The following ARHGEF3 variants were observed in gnomAD, a reference collection of about 807,000 sequenced individuals.
ARHGEF3 encodes the protein Rho guanine nucleotide exchange factor 3, also known as 59.8 kDA protein.
Under a neutral mutation model 63.2 loss-of-function variants are expected in ARHGEF3, and 28 were observed. The ratio of observed to expected loss-of-function variants is 0.44; its 90% CI spans 0.33 to 0.61. The LOEUF is 0.61. Among genes scored for constraint, ARHGEF3 ranks in the 20% least tolerant of loss-of-function variants. The probability of loss-of-function intolerance (pLI) is 0.03; values close to 1 mark genes in which losing one functional copy is unlikely to be tolerated. For synonymous variants in ARHGEF3, 266 were observed against 254.2 expected (o/e 1.05, Z -0.44); for missense variants, 533 against 659.3 (o/e 0.81, Z 2.10).
At chr3:57,051,714 G>A (rs986716058) in intron 1 of ARHGEF3, among the ~76,000 whole-genome samples, 5 of 151,470 alleles carry the variant, frequency 3.3e-5, no homozygotes, top group Admixed American at 2.6e-4. Context: ...CTGTAATCTC[G>A]GCACTTTGGG....
rs550769120 is a variant in ARHGEF3 at position 56,983,250 on chromosome 3, T to TA, written c.63-24362dup. On this transcript the variant is annotated intron_variant, in intron 2 of 12. Coordinates refer to the ARHGEF3 transcript ENST00000338458. The stretch of plus-strand genomic sequence containing the variant: ...AGTCTCTAGCTTCAGTTCAATATTT[T>TA]AAAAAATCTCATCACTAAGGGCCCC... Among the ~76,000 whole-genome samples the TA allele has an allele frequency of 8.0e-4, 122 of 152,152 alleles. 1 individual carries two copies. Among genetic ancestry groups the TA allele is most frequent in the Admixed American group, 4.6e-3 (71 of 15,286 alleles).
chr3:56,766,509 G>T (rs1345248648), intron 2 of ARHGEF3, among the ~76,000 whole-genome samples: 1 of 152,218 alleles, frequency 6.6e-6, no homozygotes, highest in Non-Finnish European at 1.5e-5. Context: ...AGCAGCAATG[G>T]CTGCCTTTTC....
At chr3:56,759,174 A>ATTTT (rs35855808) in intron 2 of ARHGEF3, among the ~76,000 whole-genome samples, 7 of 128,176 alleles carry the variant, frequency 5.5e-5, no homozygotes, top group South Asian at 2.6e-4. Flanking sequence ...AGAAAACTGA[A>ATTTT]TTTTTTTTTT....
intron 2 of ARHGEF3, among the ~76,000 whole-genome samples, chr3:56,769,707 G>T (rs931672916): frequency 2.0e-5 from 3 of 152,206 alleles, no homozygotes; most frequent in Admixed American, 2.0e-4. Context: ...ACCAGAGGAA[G>T]GTCTGCTAAG....
chr3:56,860,324 G>A (rs2040030975), intron 4 of ARHGEF3, among the ~76,000 whole-genome samples: 1 of 152,038 alleles, frequency 6.6e-6, no homozygotes, highest in Non-Finnish European at 1.5e-5. Flanking sequence ...TGAGACTACA[G>A]GTGTGTGCAA....
chr3:56,845,872 C>T (rs138938839), intron 4 of ARHGEF3, among the ~76,000 whole-genome samples: 3 of 152,158 alleles, frequency 2.0e-5, no homozygotes, highest in South Asian at 2.1e-4. Context: ...CAGACCACAC[C>T]GAAGTTGTGC....
chr3:56,893,805 C>T, intron 3 of ARHGEF3, among the ~76,000 whole-genome samples: 1 of 87,756 alleles, frequency 1.1e-5, no homozygotes, highest in African/African-American at 4.9e-5. Context: ...GAACAAGACT[C>T]TGTCTCAAAA....
Position 56,857,192 on chromosome 3 carries a change from A to G in ARHGEF3, c.192+25100T>C, listed in dbSNP as rs1445378869. ...CAAAATTAAAACAAAAATAAATTTG[A>G]TTTTAAAACAAGCCACATCTACAGT... is the stretch of plus-strand genomic sequence containing the variant. On this transcript the variant is annotated intron_variant, in intron 4 of 12. Coordinates refer to the ARHGEF3 transcript ENST00000338458. 2.6e-5 allele frequency among the ~76,000 whole-genome samples: 4 copies of G among 152,336 alleles called. No individual in the cohort carries two copies. In the East Asian group the frequency reaches 7.7e-4, roughly 29 times the overall value.
chr3:56,994,559 T>A (rs898307360), intron 2 of ARHGEF3, among the ~76,000 whole-genome samples: 1 of 152,210 alleles, frequency 6.6e-6, no homozygotes, highest in Admixed American at 6.5e-5. Context: ...TTTTCCCTCT[T>A]GGAAAAGGAG....
At position 56,868,113 on chromosome 3, in the gene ARHGEF3, C is replaced by T. The variant is rs371127399; in HGVS notation, c.192+14179G>A. Reference sequence around the variant, plus strand: ...AAAATGGAACAGTACCCCACAACCACTCTACATGAACAAAATGAAAGGTCC... The same window carrying T: ...AAAATGGAACAGTACCCCACAACCATTCTACATGAACAAAATGAAAGGTCC... On this transcript the variant is annotated intron_variant, in intron 4 of 12. Coordinates refer to the ARHGEF3 transcript ENST00000338458. Among the ~76,000 whole-genome samples the T allele has an allele frequency of 3.3e-5, 5 of 152,154 alleles. 1 individual carries two copies. Among genetic ancestry groups the T allele is most frequent in the East Asian group, 3.9e-4 (2 of 5,194 alleles).
intron 1 of ARHGEF3, among the ~76,000 whole-genome samples, chr3:56,792,617 C>G (rs995107398): frequency 1.3e-5 from 2 of 152,144 alleles, no homozygotes; most frequent in African/African-American, 4.8e-5. Flanking sequence ...CAATTATATA[C>G]TCAAGTAAGT....
At chr3:56,761,684 G>T (rs933162239) in intron 2 of ARHGEF3, among the ~76,000 whole-genome samples, 1 of 152,132 alleles carries the variant, frequency 6.6e-6, no homozygotes, top group Non-Finnish European at 1.5e-5. Context: ...TATCTGAGAG[G>T]TAAGGATTCT....
intron 2 of ARHGEF3, among the ~76,000 whole-genome samples, chr3:57,008,785 C>G (rs376312843): frequency 5.6e-4 from 85 of 152,270 alleles, no homozygotes; most frequent in African/African-American, 2.0e-3. Context: ...TCATTTTTCT[C>G]TGGACCTCTG....
chr3:56,824,698 TC>T (rs1195196053), intron 4 of ARHGEF3, among the ~76,000 whole-genome samples: 1 of 152,242 alleles, frequency 6.6e-6, no homozygotes, highest in Non-Finnish European at 1.5e-5. Flanking sequence ...TGGTCAGCTT[TC>T]CACGTGCTTG....
chr3:57,057,156 G>T (rs11710144), intron 1 of ARHGEF3, among the ~76,000 whole-genome samples: 1 of 152,024 alleles, frequency 6.6e-6, no homozygotes, highest in Non-Finnish European at 1.5e-5. Flanking sequence ...TTGTTGCTCA[G>T]GCTGGGGTGC....
intron 9 of ARHGEF3, 111 bp from the exon 10 acceptor site, chr3:56,729,733 A>T: frequency 1.1e-6 from 1 of 903,992 alleles, no homozygotes; most frequent in Non-Finnish European, 1.7e-6. Context: ...GGTATTGCTG[A>T]TAACAAAACG....
intron 3 of ARHGEF3, among the ~76,000 whole-genome samples, chr3:56,900,167 G>A (rs2041457060): frequency 6.6e-6 from 1 of 152,158 alleles, no homozygotes. Flanking sequence ...GCTTGCAAAT[G>A]TATATTACAT....
rs1700725068 is a variant in ARHGEF3 at position 56,968,234 on chromosome 3, AAAT to A, written c.63-9348_63-9346del. Among the ~76,000 whole-genome samples, 4 of 41,822 alleles carry A rather than the reference AAAT, an allele frequency of 9.6e-5. 1 individual carries two copies. Among genetic ancestry groups the A allele is most frequent in the Non-Finnish European group, 1.8e-4 (4 of 22,548 alleles). The allele number at this position is 41,822 out of a possible 152,430, so 27.4% of individuals were successfully genotyped here. ...TATATATTATATATAATATATATAT[AAAT>A]ATATATATTAATATATAATATTTAA... On this transcript the variant is annotated intron_variant, in intron 2 of 12. Transcript: ENST00000338458.
chr3:57,015,825 AG>A (rs1320330049), intron 2 of ARHGEF3, among the ~76,000 whole-genome samples: 1 of 152,068 alleles, frequency 6.6e-6, no homozygotes, highest in Non-Finnish European at 1.5e-5. Context: ...CTAAAGCCCT[AG>A]ACACTTCGCC....
Sources: gnomAD v4.1 joint callset for allele counts (sites outside exome capture counted in the v4.1 genomes callset) on GRCh38, gnomAD v4.1.1 for gene constraint, MANE v1.5 for transcripts, NCBI Gene and HGNC (gene_info 2026-07-23, HGNC 2026-07-21) for gene names.